Variants in PTPRG observed in about 807,000 individuals in gnomAD.
The protein encoded by PTPRG is protein tyrosine phosphatase receptor type G.
PTPRG carries 102 observed loss-of-function variants against 165.3 expected under a neutral mutation model. That is an observed-to-expected ratio of 0.62 (90% CI 0.53 to 0.73). The LOEUF (loss-of-function observed/expected upper bound fraction) is 0.73, where lower values mean the gene tolerates loss of function less well. PTPRG is among the 30% of genes least tolerant of loss of function. The pLI, the probability that PTPRG is intolerant of heterozygous loss-of-function variation, is 0.00. For synonymous variants in PTPRG, 675 were observed against 669.5 expected (o/e 1.01, Z -0.13); for missense variants, 1,866 against 1,861.4 (o/e 1.00, Z -0.05).
intron 1 of PTPRG, among the ~76,000 whole-genome samples, chr3:61,708,443 CTTTTTTTTTTTTTT>C (rs61136954): frequency 6.6e-5 from 5 of 75,908 alleles, no homozygotes; most frequent in Non-Finnish European, 9.5e-5. Flanking sequence ...CTCTGCAAAT[CTTTTTTTTTTTTTT>C]TTTTTTTTTT....
intron 2 of PTPRG, chr3:61,771,181 T>C (rs548454111): frequency 6.6e-6 from 1 of 152,244 alleles, no homozygotes; most frequent in South Asian, 2.1e-4. Flanking sequence ...ACAGAAAAAA[T>C]AAGATGCATT....
At chr3:62,030,184 A>T (rs111945996) in intron 4 of PTPRG, among the ~76,000 whole-genome samples, 5 of 140,140 alleles carry the variant, frequency 3.6e-5, no homozygotes, top group African/African-American at 1.5e-4. Context: ...AATGATGGGA[A>T]AATTTTCCCT....
chr3:61,630,720 C>T (rs922183067), intron 1 of PTPRG, among the ~76,000 whole-genome samples: 4 of 152,166 alleles, frequency 2.6e-5, no homozygotes, highest in Non-Finnish European at 2.9e-5. Flanking sequence ...CACACTTGCC[C>T]CAAAGTGCAA....
intron 6 of PTPRG, among the ~76,000 whole-genome samples, chr3:62,144,097 G>T (rs1467163617): frequency 3.3e-5 from 5 of 152,074 alleles, no homozygotes; most frequent in Non-Finnish European, 7.3e-5. Context: ...TATCATCTAT[G>T]GCTACTTTTG....
chr3:61,939,928 C>CT lies in PTPRG; in HGVS notation c.191-49661dup, dbSNP rs561334410. ...TGTCTTGGCTTCCTTACTGACTTGT[C>CT]TTTTTTTTTTTTTTTTTTTTTTTTT... On this transcript the variant is annotated intron_variant, in intron 2 of 29. Transcript: ENST00000474889. 4.9e-3 allele frequency among the ~76,000 whole-genome samples: 191 copies of CT among 39,138 alleles called. 60 individuals are homozygous for CT. The highest frequency in any genetic ancestry group is 6.3e-3 in the Non-Finnish European group (137 of 21,766). The allele number at this position is 39,138 out of a possible 152,430, so 25.7% of individuals were successfully genotyped here.
intron 25 of PTPRG, 33 bp downstream of exon 25, chr3:62,277,081 A>G: frequency 6.4e-7 from 1 of 1,558,322 alleles, no homozygotes; most frequent in Non-Finnish European, 8.8e-7. Context: ...AAATAAAGTC[A>G]ACTAAACTGA....
Position 62,252,306 on chromosome 3 carries a change from C to T in PTPRG, c.2468-2818C>T, listed in dbSNP as rs1701439191. The stretch of plus-strand genomic sequence containing the variant: ...CTGAATACTAGGTGCTCAGAAACGG[C>T]TTCATCCAGGGGTTTCCCATTCTCT... On this transcript the variant is annotated intron_variant, in intron 15 of 29. Coordinates refer to ENST00000474889, the MANE Select transcript of PTPRG (RefSeq NM_002841.4). The surrounding 1 kb of genome is among the most constrained non-coding windows in gnomAD (Gnocchi z 4.6). Among the ~76,000 whole-genome samples, 1 of 152,194 alleles carries T rather than the reference C, an allele frequency of 6.6e-6. No individual in the cohort carries two copies. The highest frequency in any genetic ancestry group is 2.1e-4 in the South Asian group (1 of 4,828).
At chr3:62,130,671 T>G (rs2106921515) in intron 5 of PTPRG, among the ~76,000 whole-genome samples, 1 of 152,328 alleles carries the variant, frequency 6.6e-6, no homozygotes. Flanking sequence ...CCACTTTTAC[T>G]GGTTAGGTTC....
chr3:62,288,145 A>G (rs993733352), intron 28 of PTPRG, among the ~76,000 whole-genome samples: 7 of 151,820 alleles, frequency 4.6e-5, no homozygotes, highest in Non-Finnish European at 7.4e-5. Flanking sequence ...GTACTTAAAA[A>G]AAAAAAAAAA....
intron 1 of PTPRG, among the ~76,000 whole-genome samples, chr3:61,576,638 A>C (rs1271405507): frequency 6.6e-6 from 1 of 152,200 alleles, no homozygotes. Flanking sequence ...CTGTGCCTAT[A>C]ATAAGGCAGA....
At chr3:61,739,776 C>G (rs903838516) in intron 1 of PTPRG, among the ~76,000 whole-genome samples, 2 of 152,164 alleles carry the variant, frequency 1.3e-5, no homozygotes, top group African/African-American at 4.8e-5. Context: ...CAGATGGCCA[C>G]AGGGACTCTT....
chr3:61,665,687 G>A (rs1702793591), intron 1 of PTPRG, among the ~76,000 whole-genome samples: 1 of 152,082 alleles, frequency 6.6e-6, no homozygotes, highest in African/African-American at 2.4e-5. Flanking sequence ...AATTAACTGG[G>A]TGTGGTGGCA....
intron 11 of PTPRG, 114 bp downstream of exon 11, chr3:62,201,668 G>A: frequency 1.1e-6 from 1 of 870,682 alleles, no homozygotes; most frequent in South Asian, 2.5e-5. Context: ...GTGTAAAGCG[G>A]TTATAGTAGA....
rs187246145 is a variant in PTPRG, at chr3:61,856,200, C to T, written c.190+107218C>T. Among the ~76,000 whole-genome samples, 7 of 151,918 alleles carry T rather than the reference C, an allele frequency of 4.6e-5. No homozygotes were observed. The East Asian group carries it at 1.2e-3, about 25-fold the overall frequency. On this transcript the variant is annotated intron_variant, in intron 2 of 29. Transcript: ENST00000474889. Reference sequence around the variant, plus strand: ...TTAACCACAGTGTACCTCTCAGTGGCGCTTAGTATATTCGCAGTGTGATGC... The same window carrying T: ...TTAACCACAGTGTACCTCTCAGTGGTGCTTAGTATATTCGCAGTGTGATGC...
At chr3:61,970,116 T>C (rs2040350677) in intron 2 of PTPRG, among the ~76,000 whole-genome samples, 1 of 152,190 alleles carries the variant, frequency 6.6e-6, no homozygotes, top group African/African-American at 2.4e-5. Context: ...AATGCCACTT[T>C]TTTGAACCAT....
intron 4 of PTPRG, among the ~76,000 whole-genome samples, chr3:62,003,759 C>T (rs900305539): frequency 6.6e-6 from 1 of 152,176 alleles, no homozygotes; most frequent in Non-Finnish European, 1.5e-5. Context: ...TCATGTGTTT[C>T]ATTTGACACA....
intron 2 of PTPRG, among the ~76,000 whole-genome samples, chr3:61,832,440 G>A (rs992032141): frequency 2.6e-5 from 4 of 152,222 alleles, no homozygotes; most frequent in Non-Finnish European, 5.9e-5. Flanking sequence ...GAGTGGGTAA[G>A]CATCTGGGGC....
chr3:61,797,585 C>G (rs1488107902), intron 2 of PTPRG, among the ~76,000 whole-genome samples: 6 of 99,310 alleles, frequency 6.0e-5, no homozygotes, highest in Admixed American at 5.3e-4. Context: ...CTCCACACCC[C>G]CCCCCACCCC....
chr3:61,811,657 AC>A (rs1319082397), intron 2 of PTPRG, among the ~76,000 whole-genome samples: 1 of 152,204 alleles, frequency 6.6e-6, no homozygotes, highest in Admixed American at 6.5e-5. Context: ...ACAAAACACA[AC>A]TTCAGCTTTC....
Sources: gnomAD v4.1 joint callset for allele counts (sites outside exome capture counted in the v4.1 genomes callset) on GRCh38, gnomAD v4.1.1 for gene constraint, Gnocchi (gnomAD v3.1) non-coding constraint, MANE v1.5 for transcripts, NCBI Gene and HGNC (gene_info 2026-07-23, HGNC 2026-07-21) for gene names.